Variants in HSD17B4 observed in about 807,000 individuals in gnomAD.
HSD17B4 encodes the protein peroxisomal multifunctional enzyme type 2.
Under a neutral mutation model 101.0 loss-of-function variants are expected in HSD17B4, and 70 were observed. That is an observed-to-expected ratio of 0.69 (90% CI 0.57 to 0.85). The LOEUF is 0.85. Ranked by LOEUF, HSD17B4 falls within the 40% of genes least tolerant of loss-of-function variation. The pLI is 0.00. For synonymous variants in HSD17B4, 347 were observed against 297.1 expected, an observed-to-expected ratio of 1.17 and a Z score of -1.73; for missense variants, 984 against 892.4, an observed-to-expected ratio of 1.10 and a Z score of -1.31.
chr5:119,521,097 G>A (rs1475427775), intron 17 of HSD17B4, among the ~76,000 whole-genome samples: 1 of 152,162 alleles, frequency 6.6e-6, no homozygotes, highest in African/African-American at 2.4e-5. Context: ...TCCCAAGAAC[G>A]GCTCCTGTGT....
At chr5:119,467,818 A>G (rs1013596943) in intron 2 of HSD17B4, among the ~76,000 whole-genome samples, 2 of 152,192 alleles carry the variant, frequency 1.3e-5, no homozygotes, top group African/African-American at 4.8e-5. Context: ...CCTGGAACAA[A>G]TGCCTTGTAT....
intron 14 of HSD17B4, among the ~76,000 whole-genome samples, chr5:119,504,562 TG>T (rs1751479821): frequency 6.6e-6 from 1 of 152,244 alleles, no homozygotes; most frequent in Non-Finnish European, 1.5e-5. Context: ...TTATGTTTGT[TG>T]GCCACTTGTG....
chr5:119,525,766 C>A (rs1753536409), intron 18 of HSD17B4, 151 bp from the exon 19 acceptor site: 2 of 523,734 alleles, frequency 3.8e-6, no homozygotes, highest in Non-Finnish European at 3.4e-6. Context: ...AGGAAATACT[C>A]TTTAAAAAAT....
intron 22 of HSD17B4, 136 bp from the exon 23 acceptor site, chr5:119,536,287 A>T (rs1363454147): frequency 5.1e-6 from 4 of 780,068 alleles, no homozygotes; most frequent in Non-Finnish European, 6.5e-6. Flanking sequence ...TGTATAATTG[A>T]TAGATAGAAT....
At chr5:119,456,599 G>T in intron 2 of HSD17B4, 1 of 528,064 alleles carries the variant, frequency 1.9e-6, no homozygotes, top group Non-Finnish European at 3.4e-6. Flanking sequence ...GAAGGGCTAG[G>T]GGGTAGGCAT....
chr5:119,486,333 C>T (rs1561451870), intron 8 of HSD17B4, among the ~76,000 whole-genome samples: 1 of 152,146 alleles, frequency 6.6e-6, no homozygotes, highest in Non-Finnish European at 1.5e-5. Context: ...CATTGGAGGT[C>T]ATCTTGATGA....
At chr5:119,530,720 G>A (rs1409252726) in intron 21 of HSD17B4, among the ~76,000 whole-genome samples, 4 of 151,356 alleles carry the variant, frequency 2.6e-5, no homozygotes. Context: ...AGCCTTGGTG[G>A]CAGGCTCCTG....
chr5:119,527,778 T>C (rs570544653), intron 20 of HSD17B4, among the ~76,000 whole-genome samples: 17 of 152,270 alleles, frequency 1.1e-4, no homozygotes, highest in African/African-American at 3.8e-4. Flanking sequence ...TCTTATCCTT[T>C]ATGAGTTTTC....
chr5:119,466,520 T>C (rs1159136356), intron 2 of HSD17B4, among the ~76,000 whole-genome samples: 1 of 152,206 alleles, frequency 6.6e-6, no homozygotes, highest in Non-Finnish European at 1.5e-5. Context: ...TTCTATTTCT[T>C]CTGAGTTGAA....
At chr5:119,473,494 G>C (rs1032839509) in intron 2 of HSD17B4, among the ~76,000 whole-genome samples, 2 of 150,608 alleles carry the variant, frequency 1.3e-5, no homozygotes, top group African/African-American at 4.9e-5. Context: ...AATTATTTTG[G>C]TTTTTAGTAG....
At chr5:119,517,784 C>T (rs535957594) in intron 17 of HSD17B4, among the ~76,000 whole-genome samples, 35 of 148,600 alleles carry the variant, frequency 2.4e-4, no homozygotes, top group African/African-American at 7.3e-4. Context: ...ATGCACCAAT[C>T]GGCACTCTGT....
At chr5:119,517,776 G>T (rs190084153) in intron 17 of HSD17B4, among the ~76,000 whole-genome samples, 4 of 145,112 alleles carry the variant, frequency 2.8e-5, no homozygotes, top group Non-Finnish European at 6.1e-5. Flanking sequence ...GATTGTAAAT[G>T]CACCAATCGG....
chr5:119,530,183 A>G (rs1029704485), intron 21 of HSD17B4: 18 of 550,370 alleles, frequency 3.3e-5, no homozygotes, highest in Non-Finnish European at 5.8e-5. Flanking sequence ...CTCGTTTTGC[A>G]GGATACTAGG....
chr5:119,527,363 T>A, intron 20 of HSD17B4, 144 bp downstream of exon 20: 1 of 616,640 alleles, frequency 1.6e-6, no homozygotes, highest in Non-Finnish European at 2.9e-6. Flanking sequence ...GCTTGTCTGG[T>A]GTTTTCAAAA....
rs560273996 is a variant in HSD17B4, at chr5:119,466,994, C to A, written c.113-6914C>A. 3.9e-5 allele frequency among the ~76,000 whole-genome samples: 6 copies of A among 152,174 alleles called. No individual in the cohort carries two copies. The South Asian group carries it at 1.2e-3, about 32-fold the overall frequency. ...ATTGTGTTTTTATTTTCATTTGTTT[C>A]AAGAAATGTTTACATTTTCTTCTTA... On this transcript the variant is annotated intron_variant, in intron 2 of 23. Coordinates refer to ENST00000510025, the MANE Select transcript of HSD17B4 (RefSeq NM_000414.4).
chr5:119,519,536 T>C (rs574114696), intron 17 of HSD17B4, among the ~76,000 whole-genome samples: 142 of 152,340 alleles, frequency 9.3e-4, no homozygotes, highest in Non-Finnish European at 1.7e-3. Context: ...TGGATGCTAG[T>C]TGGACCATCT....
At chr5:119,486,147 C>G (rs1280818404) in intron 8 of HSD17B4, among the ~76,000 whole-genome samples, 1 of 152,116 alleles carries the variant, frequency 6.6e-6, no homozygotes, top group South Asian at 2.1e-4. Context: ...CTGGCTTTCC[C>G]CAGAGCTAAC....
intron 19 of HSD17B4, 142 bp from the exon 20 acceptor site, chr5:119,526,991 A>G (rs1232774327): frequency 1.6e-6 from 1 of 634,332 alleles, no homozygotes; most frequent in Non-Finnish European, 2.9e-6. Context: ...TATTATACTT[A>G]GGTCTTTTAT....
intron 17 of HSD17B4, among the ~76,000 whole-genome samples, chr5:119,523,148 C>T (rs2678082): frequency 0.021 from 3,170 of 150,186 alleles, 96 homozygotes; most frequent in African/African-American, 0.072. Context: ...TTTTTTTTTT[C>T]GAGGATATGA....
Sources: gnomAD v4.1 joint callset for allele counts (sites outside exome capture counted in the v4.1 genomes callset) on GRCh38, gnomAD v4.1.1 for gene constraint, MANE v1.5 for transcripts, NCBI Gene and HGNC (gene_info 2026-07-23, HGNC 2026-07-21) for gene names.